Variants in ZNF469 observed in about 807,000 individuals in gnomAD.
ZNF469 encodes the protein zinc finger protein 469.
ZNF469 carries 1 observed loss-of-function variant against 1.0 expected under a neutral mutation model. That is an observed-to-expected ratio of 1.00 (90% CI 0.35 to 4.73). ZNF469 has a LOEUF of 4.73. Ranked by LOEUF, ZNF469 falls within the 30% of genes most tolerant of loss-of-function variation. The probability of loss-of-function intolerance (pLI) is 0.16; values close to 1 mark genes in which losing one functional copy is unlikely to be tolerated. For synonymous variants in ZNF469, 2,703 were observed against 2,363.4 expected (o/e 1.14, Z -4.17); for missense variants, 6,100 against 5,356.3 (o/e 1.14, Z -4.33).
At chr16:88,186,161 G>T in the ZNF469 span, among the ~76,000 whole-genome samples, 1 of 152,208 alleles carries the variant, frequency 6.6e-6, no homozygotes, top group Non-Finnish European at 1.5e-5. Flanking sequence ...CTGCGGGGGC[G>T]TCCACAAGGT....
the ZNF469 span, among the ~76,000 whole-genome samples, chr16:88,331,992 T>G: frequency 6.6e-6 from 1 of 152,212 alleles, no homozygotes; most frequent in Non-Finnish European, 1.5e-5. Context: ...CCAAGGCCAC[T>G]GTGCCAAGAG....
the ZNF469 span, among the ~76,000 whole-genome samples, chr16:88,318,366 C>T: frequency 6.6e-6 from 1 of 151,970 alleles, no homozygotes; most frequent in Admixed American, 6.5e-5. Context: ...CCCCCCCTTC[C>T]TCCTCTCCAT....
At chr16:88,303,254 A>C in the ZNF469 span, among the ~76,000 whole-genome samples, 8 of 152,324 alleles carry the variant, frequency 5.3e-5, no homozygotes, top group South Asian at 1.7e-3. Flanking sequence ...ATCATTTATT[A>C]ATTAATTAAA....
the ZNF469 span, among the ~76,000 whole-genome samples, chr16:88,226,121 G>C: frequency 6.6e-6 from 1 of 152,156 alleles, no homozygotes; most frequent in South Asian, 2.1e-4. Flanking sequence ...GAGATTTTTC[G>C]CAGGCGTCTG....
chr16:88,317,812 A>G, the ZNF469 span, among the ~76,000 whole-genome samples: 1 of 151,986 alleles, frequency 6.6e-6, no homozygotes, highest in Non-Finnish European at 1.5e-5. Context: ...CCCAAATCCC[A>G]TCTGGTTCTG....
the ZNF469 span, among the ~76,000 whole-genome samples, chr16:88,138,633 G>T: frequency 1.3e-5 from 2 of 152,228 alleles, no homozygotes; most frequent in Admixed American, 1.3e-4. Context: ...AACATAACAA[G>T]CCATCACCAG....
upstream of ZNF469, among the ~76,000 whole-genome samples, chr16:88,382,778 C>A (rs116833394): frequency 7.3e-3 from 1,107 of 152,276 alleles, 15 homozygotes; most frequent in African/African-American, 0.024. Context: ...GCCTGCCATT[C>A]TGGGGTGGGC....
chr16:88,104,783 A>G, the ZNF469 span, among the ~76,000 whole-genome samples: 3 of 152,200 alleles, frequency 2.0e-5, no homozygotes, highest in Non-Finnish European at 4.4e-5. Flanking sequence ...CCACAGCCTG[A>G]TAAAATGTGC....
the ZNF469 span, among the ~76,000 whole-genome samples, chr16:88,227,730 C>T: frequency 5.9e-5 from 9 of 152,154 alleles, no homozygotes; most frequent in Non-Finnish European, 1.2e-4. Flanking sequence ...CGTTGTTTCC[C>T]GTCACCGCTG....
At chr16:88,147,981 G>A in the ZNF469 span, among the ~76,000 whole-genome samples, 1 of 152,074 alleles carries the variant, frequency 6.6e-6, no homozygotes, top group Non-Finnish European at 1.5e-5. Context: ...ACCCCACTCT[G>A]AAGCCTGCAA....
rs1906630666 is a variant in ZNF469 at position 88,436,991 on chromosome 16, C to G, written c.9521C>G (p.Pro3174Arg). Residue 3174 changes from proline to arginine, a missense_variant, in exon 3 of 3, where the codon CCC becomes CGC. Coordinates refer to ENST00000565624, the MANE Select transcript of ZNF469 (RefSeq NM_001367624.2). ...QERHAQSKAG[P>R]WACGMCLKEV... is the part of the protein sequence containing the mutation. ...AGGCACGCGCAGAGCAAGGCCGGGCCCTGGGCGTGCGGCATGTGCCTGAAG... is the reference window on the plus strand; with the variant it reads ...AGGCACGCGCAGAGCAAGGCCGGGCGCTGGGCGTGCGGCATGTGCCTGAAG... The G allele has an allele frequency of 8.6e-6, 13 of 1,517,962 alleles. No homozygotes were observed. The highest frequency in any genetic ancestry group is 1.2e-5 in the South Asian group (1 of 81,712). 94.0% of individuals were successfully genotyped at this position (1,517,962 alleles called of 1,614,324 possible).
the ZNF469 span, among the ~76,000 whole-genome samples, chr16:88,174,493 T>G: frequency 7.7e-6 from 1 of 130,056 alleles, no homozygotes; most frequent in Admixed American, 8.1e-5. Flanking sequence ...TATCTATCTA[T>G]CTATCTATCT....
chr16:88,341,055 G>C, the ZNF469 span, among the ~76,000 whole-genome samples: 3 of 152,192 alleles, frequency 2.0e-5, no homozygotes, highest in African/African-American at 7.2e-5. Context: ...TGAGCACCTC[G>C]TCTTCCCCCA....
chr16:88,426,284 G>C (rs1475256724), intron 2 of ZNF469, among the ~76,000 whole-genome samples: 1 of 152,254 alleles, frequency 6.6e-6, no homozygotes, highest in Non-Finnish European at 1.5e-5. Flanking sequence ...GAGGACCCAG[G>C]GGTCAGTGGC....
At chr16:88,145,295 C>A in the ZNF469 span, among the ~76,000 whole-genome samples, 1 of 152,212 alleles carries the variant, frequency 6.6e-6, no homozygotes, top group South Asian at 2.1e-4. Context: ...CAAACACACA[C>A]ACATAATGAA....
the ZNF469 span, among the ~76,000 whole-genome samples, chr16:88,286,589 G>T: frequency 1.3e-5 from 2 of 152,280 alleles, no homozygotes; most frequent in African/African-American, 4.8e-5. Context: ...GGCTTTGTCA[G>T]TGCAGGTGGG....
At chr16:88,184,057 A>G in the ZNF469 span, among the ~76,000 whole-genome samples, 1 of 151,852 alleles carries the variant, frequency 6.6e-6, no homozygotes, top group African/African-American at 2.4e-5. Flanking sequence ...AGGCGGGCAG[A>G]AGTGGAAGCT....
the ZNF469 span, among the ~76,000 whole-genome samples, chr16:88,130,674 C>T: frequency 2.7e-3 from 405 of 147,534 alleles, no homozygotes; most frequent in African/African-American, 9.5e-3. Context: ...CCATTGCACT[C>T]CAGCCTGGGC....
intron 2 of ZNF469, among the ~76,000 whole-genome samples, chr16:88,425,221 G>A (rs991482445): frequency 2.6e-5 from 4 of 152,138 alleles, no homozygotes; most frequent in African/African-American, 9.7e-5. Context: ...ACTCCGTAAA[G>A]GCCACCTCCT....
Sources: gnomAD v4.1 joint callset for allele counts (sites outside exome capture counted in the v4.1 genomes callset) on GRCh38, gnomAD v4.1.1 for gene constraint, MANE v1.5 for transcripts, NCBI Gene and HGNC (gene_info 2026-07-23, HGNC 2026-07-21) for gene names.